PSD3: variants seen among roughly 807,000 people sequenced by gnomAD.
The protein encoded by PSD3 is pleckstrin and Sec7 domain containing 3.
Under a neutral mutation model 105.5 loss-of-function variants are expected in PSD3, and 49 were observed. The observed-to-expected ratio is 0.46, with a 90% confidence interval of 0.37 to 0.59. The LOEUF is 0.59. Ranked by LOEUF, PSD3 falls within the 20% of genes least tolerant of loss-of-function variation. The pLI, the probability that PSD3 is intolerant of heterozygous loss-of-function variation, is 0.00. For synonymous variants in PSD3, 557 were observed against 457.8 expected, an observed-to-expected ratio of 1.22 and a Z score of -2.77; for missense variants, 1,561 against 1,263.8, an observed-to-expected ratio of 1.24 and a Z score of -3.57.
intron 4 of PSD3, among the ~76,000 whole-genome samples, chr8:18,823,676 C>G (rs1344543086): frequency 1.3e-5 from 2 of 152,102 alleles, no homozygotes; most frequent in Non-Finnish European, 2.9e-5. Flanking sequence ...GCAGATGTAA[C>G]TCTCATTGAT....
intron 1 of PSD3, among the ~76,000 whole-genome samples, chr8:19,031,005 A>G (rs1487510536): frequency 6.6e-6 from 1 of 152,206 alleles, no homozygotes; most frequent in Non-Finnish European, 1.5e-5. Flanking sequence ...ACAAAGGAAG[A>G]CTACATTTCC....
chr8:18,953,465 T>C (rs919064197), intron 1 of PSD3, among the ~76,000 whole-genome samples: 3 of 152,182 alleles, frequency 2.0e-5, no homozygotes, highest in East Asian at 1.9e-4. Flanking sequence ...AATGGCTAAA[T>C]AGGCCGGGTG....
intron 4 of PSD3, among the ~76,000 whole-genome samples, chr8:18,858,051 C>T (rs1217138118): frequency 6.6e-6 from 1 of 152,214 alleles, no homozygotes; most frequent in African/African-American, 2.4e-5. Context: ...ACCATGACCA[C>T]TGTCTGTCTC....
chr8:18,693,690 C>T (rs1275542820), intron 9 of PSD3, among the ~76,000 whole-genome samples: 2 of 152,170 alleles, frequency 1.3e-5, no homozygotes, highest in East Asian at 1.9e-4. Flanking sequence ...GGCTACTAGC[C>T]CCACACTTTT....
intron 1 of PSD3, among the ~76,000 whole-genome samples, chr8:18,955,591 T>C (rs1290169621): frequency 6.6e-6 from 1 of 152,130 alleles, no homozygotes; most frequent in Admixed American, 6.5e-5. Flanking sequence ...TATTCGTTTA[T>C]GAAAATCTCC....
chr8:18,847,312 G>A (rs1169588322), intron 4 of PSD3, among the ~76,000 whole-genome samples: 1 of 152,164 alleles, frequency 6.6e-6, no homozygotes, highest in African/African-American at 2.4e-5. Context: ...TCAACTCAGA[G>A]TGAAGATAAC....
At chr8:18,862,014 T>C (rs998895888) in intron 4 of PSD3, among the ~76,000 whole-genome samples, 3 of 152,176 alleles carry the variant, frequency 2.0e-5, no homozygotes, top group Non-Finnish European at 4.4e-5. Flanking sequence ...AGCCCCGTAG[T>C]AAGGGTCCGA....
At chr8:18,615,902 C>A (rs558712694) in intron 11 of PSD3, among the ~76,000 whole-genome samples, 1 of 152,096 alleles carries the variant, frequency 6.6e-6, no homozygotes, top group Non-Finnish European at 1.5e-5. Context: ...AATTGTAAAA[C>A]AGCCCAAGGC....
At chr8:19,004,809 A>G (rs1305215447) in intron 1 of PSD3, among the ~76,000 whole-genome samples, 2 of 151,958 alleles carry the variant, frequency 1.3e-5, no homozygotes, top group East Asian at 1.9e-4. Flanking sequence ...CTTGATTGTA[A>G]TAAGTCTCAA....
chr8:18,890,385 C>A (rs1818711577), intron 2 of PSD3, among the ~76,000 whole-genome samples: 1 of 151,894 alleles, frequency 6.6e-6, no homozygotes, highest in Admixed American at 6.6e-5. Context: ...TCTAAATGTT[C>A]AAGCTTAATC....
At chr8:18,885,626 A>C (rs12155732) in intron 2 of PSD3, among the ~76,000 whole-genome samples, 1 of 152,036 alleles carries the variant, frequency 6.6e-6, no homozygotes, top group African/African-American at 2.4e-5. Context: ...AGTGTGTAGC[A>C]GACTCAGGAC....
rs376702943 is a variant in PSD3, at chr8:18,827,443, C to T, written c.1635-22545G>A. On this transcript the variant is annotated intron_variant, in intron 4 of 15. Transcript: ENST00000327040. ...CGAAGATGGGGCAGTCAGAGAGGGG[C>T]GTGGAATGCTTAGGCAAGGGAGCTA... Among the ~76,000 whole-genome samples, 121 of 152,130 alleles carry T rather than the reference C, an allele frequency of 8.0e-4. 2 individuals are homozygous for T. The South Asian group carries it at 0.025, about 31-fold the overall frequency.
chr8:18,626,927 T>C (rs1806520655), intron 11 of PSD3, among the ~76,000 whole-genome samples: 1 of 152,114 alleles, frequency 6.6e-6, no homozygotes, highest in South Asian at 2.1e-4. Context: ...CATAGTTCAG[T>C]AAATATTAGG....
At chr8:18,633,180 A>G (rs965153496) in intron 10 of PSD3, among the ~76,000 whole-genome samples, 13 of 152,016 alleles carry the variant, frequency 8.6e-5, no homozygotes, top group Non-Finnish European at 1.6e-4. Flanking sequence ...AACAAGTGGG[A>G]GTTTATTGGC....
In PSD3 at chr8:18,579,309, A is replaced by G. The variant is rs139359132; in HGVS notation, c.2482-4024T>C. On this transcript the variant is annotated intron_variant, in intron 12 of 15. Transcript: ENST00000327040. ...ACGGATAAATCATCGTAATCAAACC[A>G]TTTCAAACCAAGGACTATTTGCTGT... 3.6e-3 allele frequency among the ~76,000 whole-genome samples: 550 copies of G among 152,338 alleles called. 1 individual carries two copies. Among genetic ancestry groups the G allele is most frequent in the Middle Eastern group, 0.01 (3 of 294 alleles).
intron 1 of PSD3, among the ~76,000 whole-genome samples, chr8:18,965,061 G>C (rs1824155104): frequency 6.6e-6 from 1 of 152,080 alleles, no homozygotes; most frequent in African/African-American, 2.4e-5. Flanking sequence ...CTAACTCATT[G>C]CTTAGAATAT....
At chr8:18,767,529 C>T (rs1563242761) in intron 8 of PSD3, among the ~76,000 whole-genome samples, 1 of 152,014 alleles carries the variant, frequency 6.6e-6, no homozygotes, top group Non-Finnish European at 1.5e-5. Context: ...AGGTAGATAA[C>T]GAGGTCAGGA....
chr8:18,614,055 C>T (rs781309715), intron 11 of PSD3, among the ~76,000 whole-genome samples: 1 of 152,172 alleles, frequency 6.6e-6, no homozygotes, highest in Non-Finnish European at 1.5e-5. Context: ...TTCCTAAGGG[C>T]CCAATAAATG....
At chr8:18,713,370 T>C (rs1037469207) in intron 9 of PSD3, among the ~76,000 whole-genome samples, 13 of 152,180 alleles carry the variant, frequency 8.5e-5, no homozygotes, top group Non-Finnish European at 1.9e-4. Flanking sequence ...TATAAACCTA[T>C]ATCTAGAAAA....
Sources: gnomAD v4.1 joint callset for allele counts (sites outside exome capture counted in the v4.1 genomes callset) on GRCh38, gnomAD v4.1.1 for gene constraint, MANE v1.5 for transcripts, NCBI Gene and HGNC (gene_info 2026-07-23, HGNC 2026-07-21) for gene names.